The following MAST4 variants were observed in gnomAD, a reference collection of about 807,000 sequenced individuals.
The protein encoded by MAST4 is microtubule associated serine/threonine kinase family member 4.
A neutral mutation model predicts 162.7 loss-of-function variants in MAST4; 89 were observed. The ratio of observed to expected loss-of-function variants is 0.55; its 90% confidence interval spans 0.46 to 0.65. The LOEUF (loss-of-function observed/expected upper bound fraction) is 0.65. Ranked by LOEUF, MAST4 falls within the 30% of genes least tolerant of loss-of-function variation. The pLI is 0.00. For missense variants in MAST4, 3,153 were observed against 3,374.0 expected (o/e 0.93, Z 1.62); for synonymous variants, 1,479 against 1,361.1 (o/e 1.09, Z -1.91).
intron 1 of MAST4, among the ~76,000 whole-genome samples, chr5:66,685,262 CAAACAAAACA>C (rs60672976): frequency 0.14 from 20,808 of 143,818 alleles, 1,792 homozygotes; most frequent in East Asian, 0.25. Context: ...GACCTTGTCT[CAAACAAAACA>C]AAACAAAACA....
intron 4 of MAST4, among the ~76,000 whole-genome samples, chr5:66,952,171 G>A (rs1744790838): frequency 6.6e-6 from 1 of 152,164 alleles, no homozygotes; most frequent in Non-Finnish European, 1.5e-5. Context: ...GTTGTCTGGG[G>A]AAGGAAGAGA....
intron 1 of MAST4, among the ~76,000 whole-genome samples, chr5:66,613,155 A>G (rs1277137545): frequency 6.6e-6 from 1 of 152,184 alleles, no homozygotes; most frequent in South Asian, 2.1e-4. Context: ...GCCTCAAGCA[A>G]TCTTCTTGCC....
chr5:66,898,494 G>A (rs1181257376), intron 3 of MAST4, among the ~76,000 whole-genome samples: 1 of 65,976 alleles, frequency 1.5e-5, no homozygotes, highest in Non-Finnish European at 5.0e-5. Context: ...CTTTTCTCTT[G>A]TCATTAGAGG....
chr5:66,919,139 A>AC (rs1764313474), intron 4 of MAST4, among the ~76,000 whole-genome samples: 1 of 81,096 alleles, frequency 1.2e-5, no homozygotes, highest in Non-Finnish European at 2.7e-5. Context: ...CACACACACA[A>AC]ATTTGAGATT....
At chr5:67,143,739 A>G (rs1413124473) in intron 21 of MAST4, among the ~76,000 whole-genome samples, 2 of 152,162 alleles carry the variant, frequency 1.3e-5, no homozygotes, top group African/African-American at 4.8e-5. Context: ...TAGAGCCAGG[A>G]CAGAAGCTTT....
In MAST4 at chr5:66,605,749, C is replaced by G. The variant is rs150811732; in HGVS notation, c.363+8731C>G. ...CACGGTGATTGTTGGGTTCTCGCCA[C>G]GATGCATGCAGATTCCCTTTTCAGA... On this transcript the variant is annotated intron_variant, in intron 1 of 28. Coordinates refer to ENST00000403625, the MANE Select transcript of MAST4 (RefSeq NM_001164664.2). 1.9e-4 allele frequency among the ~76,000 whole-genome samples: 29 copies of G among 152,200 alleles called. 1 individual carries two copies. The highest frequency in any genetic ancestry group is 9.7e-4 in the East Asian group (5 of 5,176).
At chr5:66,864,881 C>G (rs1176698569) in intron 3 of MAST4, among the ~76,000 whole-genome samples, 2 of 152,102 alleles carry the variant, frequency 1.3e-5, no homozygotes, top group African/African-American at 4.8e-5. Flanking sequence ...GCAGCCTTAG[C>G]AAACTGACAC....
At chr5:66,934,243 AT>A (rs1742480556) in intron 4 of MAST4, among the ~76,000 whole-genome samples, 1 of 149,556 alleles carries the variant, frequency 6.7e-6, no homozygotes, top group Non-Finnish European at 1.5e-5. Flanking sequence ...ATTTTATTTT[AT>A]TTTTTGAGTT....
chr5:66,684,340 CTTCTTT>C (rs1407793839), intron 1 of MAST4, among the ~76,000 whole-genome samples: 9 of 127,444 alleles, frequency 7.1e-5, no homozygotes, highest in African/African-American at 2.9e-4. Context: ...AAATGTAGTG[CTTCTTT>C]TCTTCCAGCT....
chr5:67,142,682 T>A, intron 21 of MAST4, 149 bp downstream of exon 21: 1 of 609,594 alleles, frequency 1.6e-6, no homozygotes, highest in Non-Finnish European at 2.9e-6. Context: ...AAAAGTGACC[T>A]CCTCAACTTA....
At chr5:66,858,592 G>T (rs1759856659) in intron 3 of MAST4, among the ~76,000 whole-genome samples, 1 of 152,052 alleles carries the variant, frequency 6.6e-6, no homozygotes, top group South Asian at 2.1e-4. Flanking sequence ...AATCAATCTT[G>T]ACTTTTGTAG....
At chr5:67,022,746 T>G (rs1440314938) in intron 4 of MAST4, among the ~76,000 whole-genome samples, 1 of 152,200 alleles carries the variant, frequency 6.6e-6, no homozygotes, top group African/African-American at 2.4e-5. Flanking sequence ...TAATGCACAT[T>G]CCAAGGTCTG....
At chr5:66,618,666 A>G (rs892488556) in intron 1 of MAST4, among the ~76,000 whole-genome samples, 1 of 121,510 alleles carries the variant, frequency 8.2e-6, no homozygotes, top group African/African-American at 2.8e-5. Context: ...GCGACTTTTG[A>G]TGTTTACCCT....
At chr5:67,041,716 C>A (rs7735998) in intron 4 of MAST4, among the ~76,000 whole-genome samples, 38,509 of 152,152 alleles carry the variant, frequency 0.25, 5,325 homozygotes, top group African/African-American at 0.34. Flanking sequence ...GCAACCTCCG[C>A]CTCCCAGGTT....
chr5:66,798,849 G>A (rs1176551941), intron 3 of MAST4, among the ~76,000 whole-genome samples: 4 of 152,022 alleles, frequency 2.6e-5, no homozygotes, highest in African/African-American at 4.8e-5. Flanking sequence ...AGGTTTGTAC[G>A]GGTATTTCTT....
At chr5:66,715,736 A>G (rs1303917937) in intron 1 of MAST4, among the ~76,000 whole-genome samples, 4 of 83,554 alleles carry the variant, frequency 4.8e-5, no homozygotes, top group African/African-American at 1.7e-4. Flanking sequence ...TGACAGGAAA[A>G]AAAAAAAAAA....
chr5:66,692,168 C>T (rs1446957847), intron 1 of MAST4, among the ~76,000 whole-genome samples: 1 of 152,158 alleles, frequency 6.6e-6, no homozygotes, highest in African/African-American at 2.4e-5. Flanking sequence ...TGTGCTCTGT[C>T]TCTCGCTCGC....
At chr5:67,137,131 G>T (rs1769759522) in intron 19 of MAST4, among the ~76,000 whole-genome samples, 1 of 152,104 alleles carries the variant, frequency 6.6e-6, no homozygotes, top group Non-Finnish European at 1.5e-5. Context: ...ATCAGTACTT[G>T]GACTAATTAC....
intron 12 of MAST4, chr5:67,114,580 G>T: frequency 5.2e-6 from 1 of 193,174 alleles, no homozygotes; most frequent in South Asian, 1.2e-4. Context: ...TTAAAATGTT[G>T]CTAAAGAAAT....
Sources: allele counts gnomAD v4.1 joint callset (sites outside exome capture counted in the v4.1 genomes callset), GRCh38; gene constraint gnomAD v4.1.1; transcripts MANE v1.5; gene names NCBI Gene and HGNC (gene_info 2026-07-23, HGNC 2026-07-21).